Variants in LRRFIP2 observed in about 807,000 individuals in gnomAD.
The protein encoded by LRRFIP2 is LRR binding FLII interacting protein 2, also known as leucine-rich repeat flightless-interacting protein 2.
A neutral mutation model predicts 125.9 loss-of-function variants in LRRFIP2; 109 were observed. The observed-to-expected ratio is 0.87, with a 90% CI of 0.74 to 1.01. LRRFIP2 has a LOEUF of 1.01. Ranked by LOEUF, LRRFIP2 falls within the 50% of genes least tolerant of loss-of-function variation. The pLI, the probability that LRRFIP2 is intolerant of heterozygous loss-of-function variation, is 0.00. For synonymous variants in LRRFIP2, 291 were observed against 293.1 expected (o/e 0.99, Z 0.07); for missense variants, 850 against 862.3 (o/e 0.99, Z 0.18).
At position 37,084,851 on chromosome 3, in the gene LRRFIP2, T is replaced by C. The variant is rs890090999; in HGVS notation, c.1108-1045A>G. Reference sequence around the variant, plus strand: ...AATTACTACTGCCTAATGACTTTTTTAAAGCTAAAAAAAATGTTTCACACA... The same window carrying C: ...AATTACTACTGCCTAATGACTTTTTCAAAGCTAAAAAAAATGTTTCACACA... On this transcript the variant is annotated intron_variant, in intron 18 of 27. Transcript: ENST00000336686. Among the ~76,000 whole-genome samples the C allele has an allele frequency of 6.1e-5, 8 of 131,412 alleles. No homozygotes were observed. In the South Asian group the frequency reaches 6.6e-4, roughly 11 times the overall value. The allele number at this position is 131,412 out of a possible 152,430, so 86.2% of individuals were successfully genotyped here.
chr3:37,104,430 T>C (rs1229305149), intron 14 of LRRFIP2, among the ~76,000 whole-genome samples: 3 of 152,232 alleles, frequency 2.0e-5, no homozygotes, highest in Non-Finnish European at 4.4e-5. Context: ...TGAGCATTAG[T>C]TGCTTTGCTA....
At chr3:37,143,202 C>A (rs2095760320) in intron 2 of LRRFIP2, among the ~76,000 whole-genome samples, 1 of 152,212 alleles carries the variant, frequency 6.6e-6, no homozygotes, top group Admixed American at 6.5e-5. Flanking sequence ...ATAAATCACC[C>A]AGTCTTGGGC....
chr3:37,131,381 G>T (rs1047938692), intron 2 of LRRFIP2, among the ~76,000 whole-genome samples: 5 of 151,984 alleles, frequency 3.3e-5, no homozygotes, highest in Admixed American at 3.3e-4. Context: ...TTATTATGTT[G>T]TATTAAAATT....
rs765676498 is a variant in LRRFIP2, at chr3:37,103,001, C to T, written c.796G>A (p.Asp266Asn). The change falls in exon 15 of 28, where the codon GAT becomes AAT. Residue 266 changes from aspartate to asparagine, a missense_variant. By Grantham distance (23) the Asp-to-Asn change is conservative. Coordinates refer to ENST00000336686, the MANE Select transcript of LRRFIP2 (RefSeq NM_006309.4). ...CTACGATTGGAGCGACTGAAATAAT[C>T]AGCGGCAGATACCTTTCGGTCAGAA... ...GRRESVVSAA[D>N]YFSRSNRRGS... is the part of the protein sequence containing the mutation. 14 of 1,561,398 alleles carry T rather than the reference C, an allele frequency of 9.0e-6. No homozygotes were observed. In the East Asian group the frequency reaches 3.0e-4, roughly 34 times the overall value.
intron 13 of LRRFIP2, among the ~76,000 whole-genome samples, chr3:37,107,695 G>A (rs553422783): frequency 5.4e-4 from 82 of 151,980 alleles, no homozygotes; most frequent in Non-Finnish European, 1.0e-3. Context: ...TGATAGAAGC[G>A]CTGGCAAGCA....
chr3:37,099,361 A>G (rs2093900452), intron 15 of LRRFIP2, among the ~76,000 whole-genome samples: 1 of 152,224 alleles, frequency 6.6e-6, no homozygotes, highest in Non-Finnish European at 1.5e-5. Flanking sequence ...GATGATCCAG[A>G]GTCTGCCAGA....
intron 6 of LRRFIP2, among the ~76,000 whole-genome samples, chr3:37,119,076 G>A (rs2094913374): frequency 6.6e-6 from 1 of 152,276 alleles, no homozygotes; most frequent in East Asian, 1.9e-4. Context: ...TGAGCCTTCA[G>A]ACTTGTTTCC....
Position 37,146,336 on chromosome 3 carries a change from G to A in LRRFIP2, c.90+2558C>T, listed in dbSNP as rs56110410. Among the ~76,000 whole-genome samples, 1,148 of 152,290 alleles carry A rather than the reference G, an allele frequency of 7.5e-3. 17 individuals are homozygous for A. The highest frequency in any genetic ancestry group is 0.026 in the African/African-American group (1,092 of 41,550). ...CTGATTTTTAAGTTCTGGGATACAT[G>A]TGCAGGACCTGCAGGTTTGTTACAT... On this transcript the variant is annotated intron_variant, in intron 2 of 27. Transcript: ENST00000336686.
In LRRFIP2 at chr3:37,156,673, C is replaced by CAAAAAAAAAAA. The variant is rs59647339; in HGVS notation, c.-55-7646_-55-7636dup. On this transcript the variant is annotated intron_variant, in intron 1 of 27. Transcript: ENST00000336686. ...TGGGCGACAGAGCGAGACTCAGTATCAAAAAAAAAAAAAAAAAAAAAAAAA... is the reference window on the plus strand; with the variant it reads ...TGGGCGACAGAGCGAGACTCAGTATCAAAAAAAAAAAAAAAAAAAAAAAAAAAAAAAAAAAA... Among the ~76,000 whole-genome samples, 4 of 30,568 alleles carry CAAAAAAAAAAA rather than the reference C, an allele frequency of 1.3e-4. 1 individual carries two copies. Among genetic ancestry groups the CAAAAAAAAAAA allele is most frequent in the African/African-American group, 1.8e-4 (1 of 5,542 alleles). The allele number at this position is 30,568 out of a possible 152,430, so 20.1% of individuals were successfully genotyped here. A position where few individuals can be genotyped will look rare whatever the true frequency, so the allele number is the denominator to read the frequency against.
At chr3:37,063,979 T>C in intron 23 of LRRFIP2, 188 bp from the exon 24 acceptor site, 1 of 541,664 alleles carries the variant, frequency 1.8e-6, no homozygotes, top group Non-Finnish European at 3.3e-6. Flanking sequence ...AAAAAGTATT[T>C]CCACACAACT....
At chr3:37,065,158 A>C (rs1372729398) in intron 23 of LRRFIP2, 1 of 166,526 alleles carries the variant, frequency 6.0e-6, no homozygotes. Flanking sequence ...TATCTGTGCC[A>C]TTTTTCTTCC....
rs11408668 is a variant in LRRFIP2, at chr3:37,081,718, T to TAA, written c.1278+1916_1278+1917dup. Among the ~76,000 whole-genome samples the TAA allele has an allele frequency of 6.6e-5, 10 of 150,686 alleles. No individual in the cohort carries two copies. The East Asian group carries it at 1.4e-3, about 21-fold the overall frequency. ...GGGCAACATGGTGAAACCGTTTCTA[T>TAA]AAAAAAAAATTTGTCTTTAATTAGC... On this transcript the variant is annotated intron_variant, in intron 19 of 27. Coordinates refer to ENST00000336686, the MANE Select transcript of LRRFIP2 (RefSeq NM_006309.4).
chr3:37,170,206 T>G (rs2096566350), intron 1 of LRRFIP2: 1 of 152,214 alleles, frequency 6.6e-6, no homozygotes, highest in Admixed American at 6.5e-5. Context: ...GGGAGGTCCA[T>G]CTGCAGGCTT....
chr3:37,067,407 CT>C (rs1376106555), intron 21 of LRRFIP2: 1 of 152,214 alleles, frequency 6.6e-6, no homozygotes, highest in African/African-American at 2.4e-5. Flanking sequence ...AATCTGATTA[CT>C]GGCCTATTTG....
chr3:37,121,587 A>C (rs1222163844), intron 5 of LRRFIP2, 48 bp downstream of exon 5: 1 of 1,613,114 alleles, frequency 6.2e-7, no homozygotes. Context: ...GATTACATTA[A>C]GCTAATGAGG....
chr3:37,058,275 C>A (rs2087490869), intron 25 of LRRFIP2, among the ~76,000 whole-genome samples: 1 of 152,232 alleles, frequency 6.6e-6, no homozygotes, highest in South Asian at 2.1e-4. Context: ...TCCCCTGAAG[C>A]ACACAGGCTA....
intron 25 of LRRFIP2, 58 bp downstream of exon 25, chr3:37,058,732 C>T (rs2087661060): frequency 6.3e-7 from 1 of 1,575,324 alleles, no homozygotes; most frequent in African/African-American, 1.4e-5. Flanking sequence ...GCTGACAAAC[C>T]CACCCCTGGG....
chr3:37,058,790 T>C lies in LRRFIP2; in HGVS notation c.1870A>G (p.Arg624Gly). 6.2e-7 allele frequency: 1 copy of C among 1,613,770 alleles called. No homozygotes were observed. The change falls in exon 25 of 28, where the codon AGA becomes GGA. Residue 624 changes from arginine to glycine, a missense_variant and splice_region_variant. Arg to Gly is a moderately radical substitution (Grantham distance 125). Coordinates refer to ENST00000336686, the MANE Select transcript of LRRFIP2 (RefSeq NM_006309.4). ...GSDLQFIEMQ[R>G]DANRQISEYK... ...GACTGGCCTGTCCCCTGGTACCTAC[T>C]CTGCATTTCGATGAACTGCAAGTCT... is the stretch of plus-strand genomic sequence containing the variant.
intron 18 of LRRFIP2, among the ~76,000 whole-genome samples, chr3:37,090,218 T>TTTTG (rs111504404): frequency 0.046 from 6,917 of 150,990 alleles, 166 homozygotes; most frequent in Non-Finnish European, 0.055. Flanking sequence ...ATTTTACTTT[T>TTTTG]TTTGTTTGTT....
Sources: gnomAD v4.1 joint callset for allele counts (sites outside exome capture counted in the v4.1 genomes callset) on GRCh38, gnomAD v4.1.1 for gene constraint, MANE v1.5 for transcripts, NCBI Gene and HGNC (gene_info 2026-07-23, HGNC 2026-07-21) for gene names.